Variants in NRG1 observed in about 807,000 individuals in gnomAD.
NRG1 encodes the protein pro-neuregulin-1, membrane-bound isoform.
In NRG1, 18 loss-of-function variants were observed where a neutral mutation model predicts 63.8. That is an observed-to-expected ratio of 0.28 (90% confidence interval 0.19 to 0.42). NRG1 has a LOEUF of 0.42. Ranked by LOEUF, NRG1 falls within the 10% of genes least tolerant of loss-of-function variation. The pLI, the probability that NRG1 is intolerant of heterozygous loss-of-function variation, is 1.00. For synonymous variants in NRG1, 302 were observed against 301.3 expected (o/e 1.00, Z -0.02); for missense variants, 762 against 814.7 (o/e 0.94, Z 0.79).
intron 1 of NRG1, among the ~76,000 whole-genome samples, chr8:31,819,865 C>T (rs780952800): frequency 6.6e-6 from 1 of 152,148 alleles, no homozygotes; most frequent in Non-Finnish European, 1.5e-5. Context: ...TTAATAAAAA[C>T]TATAGGTAAA....
At chr8:31,854,320 T>G (rs1827604483) in intron 1 of NRG1, among the ~76,000 whole-genome samples, 1 of 152,246 alleles carries the variant, frequency 6.6e-6, no homozygotes, top group Non-Finnish European at 1.5e-5. Flanking sequence ...GAGATTCAAC[T>G]TCTTCCTGGT....
intron 1 of NRG1, among the ~76,000 whole-genome samples, chr8:31,653,335 A>G (rs1805091551): frequency 6.6e-6 from 1 of 152,112 alleles, no homozygotes. Context: ...TAGTTAGGGT[A>G]GGCTAACTGC....
chr8:32,596,564 C>T (rs184280939), intron 2 of NRG1, among the ~76,000 whole-genome samples: 1 of 148,780 alleles, frequency 6.7e-6, no homozygotes, highest in African/African-American at 2.5e-5. Context: ...CACGCCACCG[C>T]ACTCCAGCCT....
intron 1 of NRG1, among the ~76,000 whole-genome samples, chr8:32,199,543 G>A (rs1444406633): frequency 6.6e-6 from 1 of 152,018 alleles, no homozygotes. Context: ...GATCTTACTT[G>A]TCTGAAATGT....
In NRG1 at chr8:32,180,032, G is replaced by T. The variant is rs1485835507; in HGVS notation, c.38-415796G>T. 2.6e-5 allele frequency among the ~76,000 whole-genome samples: 4 copies of T among 151,850 alleles called. No homozygotes were observed. In the East Asian group the frequency reaches 7.7e-4, roughly 29 times the overall value. On this transcript the variant is annotated intron_variant, in intron 1 of 10. Transcript: ENST00000519301. ...TTTTTTAAACCTGAGCATATATTTT[G>T]TTTTGAGTCTTTTCTTACTCTTTTA...
chr8:31,640,292 C>T lies in NRG1; in HGVS notation c.37+861C>T, dbSNP rs1471840058. On this transcript the variant is annotated intron_variant, in intron 1 of 10. Coordinates refer to the NRG1 transcript ENST00000519301. This position sits in a 1 kb window ranked among gnomAD's most constrained non-coding sequence, Gnocchi z 6.3. ...GGGGCACTCGACAGGAAGGCGGCGG[C>T]GGCGGCGGGCGAGGCAGGGGCGTGG... 4 of 1,121,804 alleles carry T rather than the reference C, an allele frequency of 3.6e-6. No homozygotes were observed. The highest frequency in any genetic ancestry group is 3.3e-6 in the Non-Finnish European group (3 of 918,142). The allele number at this position is 1,121,804 out of a possible 1,614,324, so 69.5% of individuals were successfully genotyped here.
At chr8:31,665,934 G>A (rs550775233) in intron 1 of NRG1, among the ~76,000 whole-genome samples, 3 of 152,112 alleles carry the variant, frequency 2.0e-5, no homozygotes, top group Admixed American at 6.6e-5. Context: ...TGGGGCCCCC[G>A]GATAATTTTC....
chr8:31,790,740 A>G (rs555852408), intron 1 of NRG1, among the ~76,000 whole-genome samples: 57 of 152,180 alleles, frequency 3.7e-4, no homozygotes, highest in Non-Finnish European at 6.5e-4. Flanking sequence ...GCAAATATCT[A>G]GGGCTGGGCT....
chr8:31,719,258 A>T (rs1302372896), intron 1 of NRG1, among the ~76,000 whole-genome samples: 2 of 152,162 alleles, frequency 1.3e-5, no homozygotes, highest in Non-Finnish European at 2.9e-5. Context: ...GATATGTTAG[A>T]TCCTTTCCTA....
At chr8:32,177,481 A>G (rs988081896) in intron 1 of NRG1, among the ~76,000 whole-genome samples, 1 of 152,150 alleles carries the variant, frequency 6.6e-6, no homozygotes, top group African/African-American at 2.4e-5. Context: ...ATTATAATAA[A>G]AAAATTAAAA....
chr8:31,993,466 G>C (rs996868458), intron 1 of NRG1, among the ~76,000 whole-genome samples: 1 of 151,884 alleles, frequency 6.6e-6, no homozygotes, highest in Non-Finnish European at 1.5e-5. Context: ...GAATCATGGG[G>C]GCAGTTTCCC....
chr8:31,913,378 A>G (rs1192655656), intron 1 of NRG1, among the ~76,000 whole-genome samples: 1 of 152,194 alleles, frequency 6.6e-6, no homozygotes, highest in Non-Finnish European at 1.5e-5. Flanking sequence ...TTTCTTTACA[A>G]ATATTTTCCC....
chr8:31,733,614 C>T (rs541009753), intron 1 of NRG1, among the ~76,000 whole-genome samples: 158 of 152,144 alleles, frequency 1.0e-3, no homozygotes, highest in Middle Eastern at 3.2e-3. Context: ...CTTTCATCTC[C>T]CACCCATCTC....
At chr8:31,840,044 C>T (rs1306206130) in intron 1 of NRG1, among the ~76,000 whole-genome samples, 1 of 152,120 alleles carries the variant, frequency 6.6e-6, no homozygotes, top group Non-Finnish European at 1.5e-5. Context: ...ATGTTCTGAG[C>T]GTCCCCGCAA....
intron 1 of NRG1, among the ~76,000 whole-genome samples, chr8:32,133,471 C>T (rs1453715187): frequency 6.6e-6 from 1 of 152,074 alleles, no homozygotes; most frequent in Admixed American, 6.6e-5. Flanking sequence ...AACTGATACT[C>T]ACTCAGGAGC....
At chr8:31,919,875 G>A (rs149619139) in intron 1 of NRG1, among the ~76,000 whole-genome samples, 1 of 152,152 alleles carries the variant, frequency 6.6e-6, no homozygotes, top group African/African-American at 2.4e-5. Flanking sequence ...TCATGGGGTA[G>A]AAGAGAAAAA....
At chr8:32,011,058 A>C (rs1399865182) in intron 1 of NRG1, among the ~76,000 whole-genome samples, 1 of 152,104 alleles carries the variant, frequency 6.6e-6, no homozygotes, top group African/African-American at 2.4e-5. Context: ...CATGATAATA[A>C]GATACAAAAG....
intron 5 of NRG1, chr8:32,648,481 T>C (rs1429699610): frequency 8.8e-6 from 13 of 1,470,676 alleles, no homozygotes; most frequent in Non-Finnish European, 1.2e-5. Context: ...TGCATTTTAG[T>C]TGCCTGGTTT....
intron 5 of NRG1, among the ~76,000 whole-genome samples, chr8:32,697,441 C>T (rs1308340634): frequency 6.6e-6 from 1 of 152,172 alleles, no homozygotes; most frequent in Non-Finnish European, 1.5e-5. Context: ...GAATACTTGT[C>T]TCTTTGTTCT....
Sources: allele counts gnomAD v4.1 joint callset (sites outside exome capture counted in the v4.1 genomes callset), GRCh38; gene constraint gnomAD v4.1.1; non-coding constraint Gnocchi (gnomAD v3.1); transcripts MANE v1.5; gene names NCBI Gene and HGNC (gene_info 2026-07-23, HGNC 2026-07-21).